FBXL7: variants seen among roughly 807,000 people sequenced by gnomAD.
The protein encoded by FBXL7 is F-box/LRR-repeat protein 7.
A neutral mutation model predicts 38.3 loss-of-function variants in FBXL7; 12 were observed. The ratio of observed to expected loss-of-function variants is 0.31; its 90% confidence interval spans 0.20 to 0.51. The LOEUF (loss-of-function observed/expected upper bound fraction) is 0.51, where lower values mean the gene tolerates loss of function less well. FBXL7 is among the 20% of genes least tolerant of loss of function. The pLI is 0.98. For missense variants in FBXL7, 567 were observed against 676.4 expected, an observed-to-expected ratio of 0.84 and a Z score of 1.79; for synonymous variants, 297 against 300.9, an observed-to-expected ratio of 0.99 and a Z score of 0.13.
Position 15,562,020 on chromosome 5 carries a change from G to A in FBXL7, c.38-53963G>A, listed in dbSNP as rs528271833. ...TCTTGGATAAGGCCACCAAGATAAT[G>A]CAGATAAGAATAGTCTCTTCAATAA... On this transcript the variant is annotated intron_variant, in intron 1 of 3. Transcript: ENST00000504595. 1.7e-4 allele frequency among the ~76,000 whole-genome samples: 26 copies of A among 152,170 alleles called. No homozygotes were observed. In the South Asian group the frequency reaches 5.4e-3, roughly 32 times the overall value.
intron 2 of FBXL7, among the ~76,000 whole-genome samples, chr5:15,739,495 C>A (rs1735839847): frequency 6.6e-6 from 1 of 151,210 alleles, no homozygotes; most frequent in Non-Finnish European, 1.5e-5. Context: ...AATTTTAGAA[C>A]TTTTTTTTAT....
At chr5:15,605,434 A>G (rs188632210) in intron 1 of FBXL7, among the ~76,000 whole-genome samples, 46 of 152,346 alleles carry the variant, frequency 3.0e-4, no homozygotes, top group Admixed American at 2.6e-3. Flanking sequence ...ATATGAAACA[A>G]TGTGGGTGAA....
intron 2 of FBXL7, among the ~76,000 whole-genome samples, chr5:15,745,652 C>A (rs1351327772): frequency 6.6e-6 from 1 of 152,018 alleles, no homozygotes; most frequent in East Asian, 1.9e-4. Flanking sequence ...CAGAAGGAAG[C>A]AAAATTCAAA....
At chr5:15,671,360 T>G (rs1223929782) in intron 2 of FBXL7, among the ~76,000 whole-genome samples, 2 of 152,184 alleles carry the variant, frequency 1.3e-5, no homozygotes, top group African/African-American at 4.8e-5. Flanking sequence ...GCACTGGATA[T>G]TTTCTCTAAC....
chr5:15,719,050 C>T (rs1744122562), intron 2 of FBXL7, among the ~76,000 whole-genome samples: 1 of 152,194 alleles, frequency 6.6e-6, no homozygotes, highest in Non-Finnish European at 1.5e-5. Context: ...AACCAGTGTA[C>T]TACCAAACTC....
chr5:15,798,946 G>C (rs1737486836), intron 2 of FBXL7, among the ~76,000 whole-genome samples: 1 of 152,176 alleles, frequency 6.6e-6, no homozygotes, highest in African/African-American at 2.4e-5. Flanking sequence ...ATGATATCCA[G>C]GCAGTTGGCA....
chr5:15,585,514 G>A (rs527375201), intron 1 of FBXL7, among the ~76,000 whole-genome samples: 2 of 152,328 alleles, frequency 1.3e-5, no homozygotes, highest in South Asian at 2.1e-4. Context: ...AACAGTCATC[G>A]TTAGCTAACT....
chr5:15,615,945 T>TGGG, intron 1 of FBXL7, 38 bp from the exon 2 acceptor site: 2 of 1,481,894 alleles, frequency 1.3e-6, no homozygotes, highest in Non-Finnish European at 1.9e-6. Flanking sequence ...GGTCTGAAAT[T>TGGG]ACAAATCTCA....
chr5:15,631,269 T>G (rs1478485485), intron 2 of FBXL7, among the ~76,000 whole-genome samples: 1 of 152,244 alleles, frequency 6.6e-6, no homozygotes, highest in East Asian at 1.9e-4. Flanking sequence ...ATATGTTGAA[T>G]TATATGTATA....
chr5:15,664,067 C>T (rs1010027346), intron 2 of FBXL7, among the ~76,000 whole-genome samples: 2 of 151,958 alleles, frequency 1.3e-5, no homozygotes, highest in African/African-American at 4.8e-5. Context: ...GATTATTTTG[C>T]TGTTGTTTTT....
chr5:15,863,520 T>TTTTACTGTC lies in FBXL7; in HGVS notation c.128-64369_128-64368insTTACTGTCT, dbSNP rs1561158756. ...GGAGAATGGTCGATGTGACCTCACA[T>TTTTACTGTC]TGGTGACAAAATTCCTTTTACTGTC... On this transcript the variant is annotated intron_variant, in intron 2 of 3. Coordinates refer to ENST00000504595, the MANE Select transcript of FBXL7 (RefSeq NM_012304.5). Among the ~76,000 whole-genome samples, 11 of 152,282 alleles carry TTTTACTGTC rather than the reference T, an allele frequency of 7.2e-5. No homozygotes were observed. The South Asian group carries it at 2.3e-3, about 32-fold the overall frequency.
chr5:15,897,269 TAGAA>T (rs67174231), intron 2 of FBXL7, among the ~76,000 whole-genome samples: 15 of 152,224 alleles, frequency 9.9e-5, no homozygotes, highest in African/African-American at 1.4e-4. Flanking sequence ...CTGCAAGAGA[TAGAA>T]AGAAAGATTT....
chr5:15,652,354 C>T (rs576421080), intron 2 of FBXL7, among the ~76,000 whole-genome samples: 1 of 152,096 alleles, frequency 6.6e-6, no homozygotes, highest in East Asian at 1.9e-4. Context: ...GCAATCTCTG[C>T]CTCCCGGGTT....
At chr5:15,789,206 CTTT>C (rs1014412293) in intron 2 of FBXL7, among the ~76,000 whole-genome samples, 1 of 151,418 alleles carries the variant, frequency 6.6e-6, no homozygotes, top group Non-Finnish European at 1.5e-5. Flanking sequence ...GACCTCATAT[CTTT>C]TTTTTTGTTG....
chr5:15,718,214 A>C (rs1744097144), intron 2 of FBXL7, among the ~76,000 whole-genome samples: 1 of 152,170 alleles, frequency 6.6e-6, no homozygotes, highest in Non-Finnish European at 1.5e-5. Flanking sequence ...AATGTGGTAA[A>C]ATGTTAAACA....
At chr5:15,568,315 A>T (rs1007418733) in intron 1 of FBXL7, among the ~76,000 whole-genome samples, 10 of 152,078 alleles carry the variant, frequency 6.6e-5, no homozygotes, top group African/African-American at 9.7e-5. Flanking sequence ...GATATCTCAT[A>T]GTGGTTTTGA....
intron 1 of FBXL7, among the ~76,000 whole-genome samples, chr5:15,583,030 T>C (rs1739191803): frequency 6.6e-6 from 1 of 151,038 alleles, no homozygotes; most frequent in South Asian, 2.1e-4. Flanking sequence ...AGGAAAGAGG[T>C]TTAATTAATT....
At chr5:15,582,800 C>A (rs1331120133) in intron 1 of FBXL7, among the ~76,000 whole-genome samples, 2 of 152,200 alleles carry the variant, frequency 1.3e-5, no homozygotes, top group Admixed American at 6.5e-5. Flanking sequence ...AGCCCCCTCA[C>A]CCTACTAATG....
intron 1 of FBXL7, among the ~76,000 whole-genome samples, chr5:15,528,180 C>T (rs920317745): frequency 4.6e-5 from 7 of 152,096 alleles, no homozygotes; most frequent in Admixed American, 3.3e-4. Context: ...GGAAGAGTAT[C>T]GGGGACCCTC....
Sources: gnomAD v4.1 joint callset for allele counts (sites outside exome capture counted in the v4.1 genomes callset) on GRCh38, gnomAD v4.1.1 for gene constraint, MANE v1.5 for transcripts, NCBI Gene and HGNC (gene_info 2026-07-23, HGNC 2026-07-21) for gene names.